RBFOX1: variants seen among roughly 807,000 people sequenced by gnomAD.
RBFOX1 encodes the protein RNA binding protein fox-1 homolog 1.
In RBFOX1, 8 loss-of-function variants were observed where a neutral mutation model predicts 57.7. That is an observed-to-expected ratio of 0.14 (90% CI 0.08 to 0.25). RBFOX1 has a LOEUF of 0.25. RBFOX1 is among the 10% of genes least tolerant of loss of function. The pLI, the probability that RBFOX1 is intolerant of heterozygous loss-of-function variation, is 1.00. For synonymous variants in RBFOX1, 326 were observed against 222.4 expected, an observed-to-expected ratio of 1.47 and a Z score of -4.15; for missense variants, 611 against 548.5, an observed-to-expected ratio of 1.11 and a Z score of -1.14.
chr16:5,981,926 C>G (rs2060182222), intron 4 of RBFOX1, among the ~76,000 whole-genome samples: 1 of 152,228 alleles, frequency 6.6e-6, no homozygotes, highest in Non-Finnish European at 1.5e-5. Flanking sequence ...AGTGCACCCC[C>G]TCACCACAAA....
intron 3 of RBFOX1, among the ~76,000 whole-genome samples, chr16:6,728,890 A>T (rs2067871355): frequency 6.6e-6 from 1 of 152,064 alleles, no homozygotes; most frequent in Non-Finnish European, 1.5e-5. Flanking sequence ...TTAGATAATG[A>T]TATATATATA....
At chr16:6,074,850 C>A (rs1479861417) in intron 1 of RBFOX1, among the ~76,000 whole-genome samples, 3 of 152,096 alleles carry the variant, frequency 2.0e-5, no homozygotes, top group Non-Finnish European at 4.4e-5. Flanking sequence ...TCTGTAATTT[C>A]AGTGACTCAG....
chr16:6,557,445 T>C (rs1249869598), intron 2 of RBFOX1, among the ~76,000 whole-genome samples: 1 of 152,154 alleles, frequency 6.6e-6, no homozygotes. Flanking sequence ...ACAGCCACAA[T>C]TTCTCTAATT....
At chr16:7,466,000 G>C (rs1167977290) in intron 4 of RBFOX1, among the ~76,000 whole-genome samples, 1 of 152,186 alleles carries the variant, frequency 6.6e-6, no homozygotes, top group Non-Finnish European at 1.5e-5. Flanking sequence ...CATCGTTCCA[G>C]TTTTAAGTAG....
At chr16:5,418,678 C>A (rs116316191) in intron 1 of RBFOX1, among the ~76,000 whole-genome samples, 1 of 152,108 alleles carries the variant, frequency 6.6e-6, no homozygotes, top group African/African-American at 2.4e-5. Context: ...CCCCTTCTTT[C>A]CTCCCTCTTC....
At chr16:7,422,517 G>A (rs1244348814) in intron 4 of RBFOX1, among the ~76,000 whole-genome samples, 3 of 152,278 alleles carry the variant, frequency 2.0e-5, no homozygotes, top group East Asian at 1.9e-4. Context: ...CTTGCACTCC[G>A]TGACCCCGTC....
chr16:7,255,467 G>A (rs2094639700), intron 4 of RBFOX1, among the ~76,000 whole-genome samples: 1 of 152,294 alleles, frequency 6.6e-6, no homozygotes, highest in Non-Finnish European at 1.5e-5. Flanking sequence ...GTTTAAACAT[G>A]CACTTTAAAA....
chr16:6,915,008 C>A (rs2072757045), intron 3 of RBFOX1, among the ~76,000 whole-genome samples: 1 of 152,220 alleles, frequency 6.6e-6, no homozygotes, highest in Admixed American at 6.5e-5. Context: ...AGCAAGCAGG[C>A]CCAGGGTGGT....
chr16:7,059,001 A>T (rs557603897), intron 4 of RBFOX1, among the ~76,000 whole-genome samples: 1 of 152,222 alleles, frequency 6.6e-6, no homozygotes, highest in African/African-American at 2.4e-5. Flanking sequence ...GCAGATCTGC[A>T]TTATCAATAT....
intron 4 of RBFOX1, among the ~76,000 whole-genome samples, chr16:7,268,991 C>T (rs2095249382): frequency 7.3e-6 from 1 of 137,650 alleles, no homozygotes; most frequent in South Asian, 2.3e-4. Flanking sequence ...GAGCCGAGAT[C>T]ACGCCAGTGC....
chr16:6,830,032 T>G (rs1383417729), intron 3 of RBFOX1, among the ~76,000 whole-genome samples: 1 of 152,142 alleles, frequency 6.6e-6, no homozygotes. Context: ...TTCTCATGCC[T>G]CAGCCTCCCA....
At chr16:5,390,348 G>C (rs368877035) in intron 1 of RBFOX1, among the ~76,000 whole-genome samples, 1 of 149,728 alleles carries the variant, frequency 6.7e-6, no homozygotes, top group Non-Finnish European at 1.5e-5. Context: ...GAGTGCAATG[G>C]CATGATTTCA....
intron 4 of RBFOX1, among the ~76,000 whole-genome samples, chr16:5,921,327 C>G (rs1357913749): frequency 6.6e-6 from 1 of 152,162 alleles, no homozygotes; most frequent in Admixed American, 6.5e-5. Context: ...GTGTTCACAT[C>G]CTGTCCCCTT....
chr16:6,928,744 ATG>A (rs1326716607), intron 3 of RBFOX1, among the ~76,000 whole-genome samples: 1 of 152,176 alleles, frequency 6.6e-6, no homozygotes, highest in East Asian at 1.9e-4. Flanking sequence ...ACGGTTGCAT[ATG>A]TGTGTGTTTC....
chr16:5,423,181 A>T (rs564655767), intron 1 of RBFOX1, among the ~76,000 whole-genome samples: 1 of 152,028 alleles, frequency 6.6e-6, no homozygotes, highest in African/African-American at 2.4e-5. Context: ...TTACAACAGT[A>T]GTAAATAGAG....
intron 2 of RBFOX1, among the ~76,000 whole-genome samples, chr16:6,408,442 C>A (rs2534738): frequency 1.3e-5 from 2 of 151,972 alleles, no homozygotes; most frequent in African/African-American, 4.8e-5. Flanking sequence ...TTCATCAGGG[C>A]GAGTTCTGGA....
intron 4 of RBFOX1, among the ~76,000 whole-genome samples, chr16:7,082,241 T>C (rs1324461036): frequency 6.6e-6 from 1 of 152,270 alleles, no homozygotes; most frequent in Admixed American, 6.5e-5. Flanking sequence ...GGAGCTTCAG[T>C]TGTACAGAAT....
rs551263387 is a variant in RBFOX1, at chr16:6,444,107, C to T, written c.-64+127050C>T. Among the ~76,000 whole-genome samples the T allele has an allele frequency of 2.8e-4, 42 of 152,210 alleles. 1 individual carries two copies. The South Asian group carries it at 4.4e-3, about 16-fold the overall frequency. ...TGAAATGAGGAAGTTATTCTTGTCA[C>T]GCACTGCATCCTCATCGATTGCTGT... is the stretch of plus-strand genomic sequence containing the variant. On this transcript the variant is annotated intron_variant, in intron 2 of 15. Coordinates refer to ENST00000550418, the MANE Select transcript of RBFOX1 (RefSeq NM_018723.4).
Position 7,696,674 on chromosome 16 carries a change from C to G in RBFOX1, c.996-12382C>G, listed in dbSNP as rs542213273. 2.0e-5 allele frequency among the ~76,000 whole-genome samples: 3 copies of G among 151,988 alleles called. No individual in the cohort carries two copies. The South Asian group carries it at 6.3e-4, about 32-fold the overall frequency. On this transcript the variant is annotated intron_variant, in intron 14 of 15. Transcript: ENST00000550418. Reference sequence around the variant, plus strand: ...CCTTCATGGTATGGGAGAACAGATCCCAAAGCACGTATATGAATAAGCAGA... The same window carrying G: ...CCTTCATGGTATGGGAGAACAGATCGCAAAGCACGTATATGAATAAGCAGA...
Sources: allele counts gnomAD v4.1 joint callset (sites outside exome capture counted in the v4.1 genomes callset), GRCh38; gene constraint gnomAD v4.1.1; transcripts MANE v1.5; gene names NCBI Gene and HGNC (gene_info 2026-07-23, HGNC 2026-07-21).